Variants in UBR3 observed in about 807,000 individuals in gnomAD.
The protein encoded by UBR3 is ubiquitin protein ligase E3 component n-recognin 3, also known as E3 ubiquitin-protein ligase UBR3.
Under a neutral mutation model 243.2 loss-of-function variants are expected in UBR3, and 85 were observed. That is an observed-to-expected ratio of 0.35 (90% CI 0.29 to 0.42). The LOEUF (loss-of-function observed/expected upper bound fraction) is 0.42. Among genes scored for constraint, UBR3 ranks in the 10% least tolerant of loss-of-function variants. The pLI is 1.00. For synonymous variants in UBR3, 748 were observed against 799.8 expected (o/e 0.94, Z 1.09); for missense variants, 1,686 against 2,300.8 (o/e 0.73, Z 5.47).
intron 24 of UBR3, among the ~76,000 whole-genome samples, chr2:169,985,269 C>T (rs1303258096): frequency 6.7e-6 from 1 of 149,210 alleles, no homozygotes; most frequent in Non-Finnish European, 1.5e-5. Context: ...ACTCTTGTTG[C>T]CCAGGCTGGA....
chr2:169,944,296 A>C (rs1179145355), intron 20 of UBR3, among the ~76,000 whole-genome samples: 1 of 152,172 alleles, frequency 6.6e-6, no homozygotes, highest in African/African-American at 2.4e-5. Context: ...TAGAAGTTAA[A>C]TAACTAGTTC....
At chr2:169,848,153 C>T (rs565196425) in intron 1 of UBR3, among the ~76,000 whole-genome samples, 1 of 152,254 alleles carries the variant, frequency 6.6e-6, no homozygotes. Context: ...AGATTATTGT[C>T]CTTCATTACC....
intron 24 of UBR3, among the ~76,000 whole-genome samples, chr2:169,961,234 G>C (rs73017624): frequency 0.043 from 6,515 of 152,086 alleles, 158 homozygotes; most frequent in Middle Eastern, 0.061. Context: ...ATGCCTTATA[G>C]CTATTACCTT....
chr2:170,054,025 T>C (rs374921301), intron 32 of UBR3, among the ~76,000 whole-genome samples: 126 of 152,324 alleles, frequency 8.3e-4, no homozygotes, highest in African/African-American at 2.9e-3. Context: ...ATGTTAATTA[T>C]CAGTATTAAA....
chr2:170,075,872 G>A (rs769492924), intron 36 of UBR3, among the ~76,000 whole-genome samples: 1 of 148,196 alleles, frequency 6.7e-6, no homozygotes. Flanking sequence ...ACAAAATCCA[G>A]TTCTGATTTA....
At chr2:169,897,015 GT>G (rs2084616776) in intron 8 of UBR3, among the ~76,000 whole-genome samples, 1 of 152,018 alleles carries the variant, frequency 6.6e-6, no homozygotes, top group African/African-American at 2.4e-5. Context: ...ACAAATACCT[GT>G]TGTTAGCACT....
chr2:169,830,418 GT>G (rs1449050786), intron 1 of UBR3, among the ~76,000 whole-genome samples: 1 of 152,112 alleles, frequency 6.6e-6, no homozygotes, highest in African/African-American at 2.4e-5. Flanking sequence ...AATTCTAGCT[GT>G]TTTATGTGAT....
intron 18 of UBR3, 22 bp downstream of exon 18, chr2:169,928,890 G>C: frequency 7.3e-7 from 1 of 1,360,904 alleles, no homozygotes. Context: ...TACATAAATG[G>C]ACTCTTTCAA....
intron 14 of UBR3, 63 bp from the exon 15 acceptor site, chr2:169,926,629 C>A: frequency 6.9e-7 from 1 of 1,441,072 alleles, no homozygotes; most frequent in Non-Finnish European, 9.3e-7. Context: ...TATAGAAAAA[C>A]ATGATTAATA....
chr2:169,875,876 A>G lies in UBR3; in HGVS notation c.771A>G (p.Lys257=). 6.5e-7 allele frequency: 1 copy of G among 1,550,328 alleles called. No homozygotes were observed. The highest frequency in any genetic ancestry group is 1.2e-5 in the South Asian group (1 of 83,880). ...PQISFLEDLT[K]MGGAMRSVLT... ...TTTCCTTTTTAGAAGACCTGACTAA[A>G]ATGGGAGGAGCAATGCGGTCTGTTC... Residue 257 remains lysine, a synonymous_variant, in exon 3 of 39, where the codon AAA becomes AAG. Transcript: ENST00000272793.
chr2:170,031,200 C>G (rs2105423683), intron 31 of UBR3, among the ~76,000 whole-genome samples: 1 of 152,240 alleles, frequency 6.6e-6, no homozygotes, highest in South Asian at 2.1e-4. Flanking sequence ...ACCTCAGCCT[C>G]TCCCGTGTTG....
intron 4 of UBR3, 78 bp downstream of exon 4, chr2:169,877,715 T>C: frequency 7.3e-7 from 1 of 1,375,170 alleles, no homozygotes; most frequent in Non-Finnish European, 9.7e-7. Context: ...CTTTACTCAT[T>C]ATTGAAAAAA....
chr2:169,987,394 A>C (rs74960911), intron 25 of UBR3, among the ~76,000 whole-genome samples: 2 of 121,358 alleles, frequency 1.6e-5, no homozygotes, highest in African/African-American at 7.0e-5. Flanking sequence ...CTCTGTCTCA[A>C]AAAAAAAAAA....
At chr2:169,855,958 CGGCTGGCCGGGCGGG>C (rs1430030008) in intron 1 of UBR3, among the ~76,000 whole-genome samples, 1 of 147,758 alleles carries the variant, frequency 6.8e-6, no homozygotes, top group East Asian at 2.1e-4. Context: ...CCGGACGGGG[CGGCTGGCCGGGCGGG>C]GGCTGCCCCC....
intron 32 of UBR3, among the ~76,000 whole-genome samples, chr2:170,042,991 T>C (rs2091005156): frequency 6.6e-6 from 1 of 152,146 alleles, no homozygotes; most frequent in African/African-American, 2.4e-5. Context: ...TGGTTAGTTT[T>C]TCTTAATCTA....
At chr2:169,923,795 C>G (rs1311787757) in intron 11 of UBR3, 134 bp from the exon 12 acceptor site, 1 of 805,058 alleles carries the variant, frequency 1.2e-6, no homozygotes, top group Non-Finnish European at 1.9e-6. Flanking sequence ...GAATCTGCAT[C>G]TTCTAAAATG....
chr2:169,875,554 C>T (rs1559046144), intron 2 of UBR3, among the ~76,000 whole-genome samples: 1 of 152,190 alleles, frequency 6.6e-6, no homozygotes, highest in South Asian at 2.1e-4. Flanking sequence ...AGGAGGTCAT[C>T]TGTGTTTTTC....
chr2:169,997,343 G>A (rs1405561433), intron 26 of UBR3, among the ~76,000 whole-genome samples: 1 of 152,108 alleles, frequency 6.6e-6, no homozygotes, highest in African/African-American at 2.4e-5. Context: ...CTGTGGTGGG[G>A]CCAGGTGTGC....
chr2:169,957,763 G>A (rs184608064), intron 23 of UBR3, among the ~76,000 whole-genome samples: 18 of 152,244 alleles, frequency 1.2e-4, no homozygotes, highest in East Asian at 1.2e-3. Context: ...TTCTTTGGAA[G>A]TAGATAAGGC....
Sources: allele counts gnomAD v4.1 joint callset (sites outside exome capture counted in the v4.1 genomes callset), GRCh38; gene constraint gnomAD v4.1.1; transcripts MANE v1.5; gene names NCBI Gene and HGNC (gene_info 2026-07-23, HGNC 2026-07-21).